The following GSE1 variants were observed in gnomAD, a reference collection of about 807,000 sequenced individuals.
GSE1 encodes genetic suppressor element 1.
A neutral mutation model predicts 112.6 loss-of-function variants in GSE1; 32 were observed. The ratio of observed to expected loss-of-function variants is 0.28; its 90% CI spans 0.21 to 0.38. The LOEUF is 0.38. Among genes scored for constraint, GSE1 ranks in the 10% least tolerant of loss-of-function variants. The pLI, the probability that GSE1 is intolerant of heterozygous loss-of-function variation, is 1.00. For missense variants in GSE1, 2,348 were observed against 1,699.2 expected, an observed-to-expected ratio of 1.38 and a Z score of -6.71; for synonymous variants, 1,115 against 735.6, an observed-to-expected ratio of 1.52 and a Z score of -8.35.
Position 85,315,264 on chromosome 16 carries a change from A to G in GSE1, c.2284-42199A>G, listed in dbSNP as rs1339716865. 2.0e-5 allele frequency among the ~76,000 whole-genome samples: 3 copies of G among 152,182 alleles called. No individual in the cohort carries two copies. The South Asian group carries it at 6.2e-4, about 32-fold the overall frequency. On this transcript the variant is annotated intron_variant, in intron 1 of 2. Transcript: ENST00000637419. ...GGCCACACAGCTCTGCCCCGTCTTCACAGGAGCATTTAGGGCCTGCTCTCC... is the reference window on the plus strand; with the variant it reads ...GGCCACACAGCTCTGCCCCGTCTTCGCAGGAGCATTTAGGGCCTGCTCTCC...
At chr16:85,538,980 C>A (rs879272813) in intron 2 of GSE1, among the ~76,000 whole-genome samples, 1 of 152,160 alleles carries the variant, frequency 6.6e-6, no homozygotes, top group African/African-American at 2.4e-5. Flanking sequence ...CTCTGCCATC[C>A]GGGCCACCAT....
chr16:85,621,811 A>G (rs2048760690), intron 1 of GSE1, among the ~76,000 whole-genome samples: 1 of 152,146 alleles, frequency 6.6e-6, no homozygotes. Context: ...TTGAAGAAGC[A>G]GGGGAGGGGA....
intron 1 of GSE1, among the ~76,000 whole-genome samples, chr16:85,200,431 G>C (rs1331726925): frequency 6.6e-6 from 1 of 151,204 alleles, no homozygotes; most frequent in Non-Finnish European, 1.5e-5. Flanking sequence ...AAAGAAGGAA[G>C]CTTTGCTTAG....
At chr16:85,180,042 C>G (rs1270975733) in intron 1 of GSE1, among the ~76,000 whole-genome samples, 1 of 152,242 alleles carries the variant, frequency 6.6e-6, no homozygotes, top group African/African-American at 2.4e-5. Context: ...CAGGGAAGAC[C>G]TGGGCGGTTG....
At chr16:85,434,342 A>ATCATCATCATC (rs60865079) in intron 2 of GSE1, among the ~76,000 whole-genome samples, 1,746 of 126,174 alleles carry the variant, frequency 0.014, 28 homozygotes, top group African/African-American at 0.046. Context: ...TAATAATAAT[A>ATCATCATCATC]ATAATCAGTG....
At chr16:85,217,938 G>T (rs963287476) in intron 1 of GSE1, among the ~76,000 whole-genome samples, 2 of 151,778 alleles carry the variant, frequency 1.3e-5, no homozygotes, top group African/African-American at 4.8e-5. Flanking sequence ...GTCTTGTTCT[G>T]TTACGACGCT....
intron 2 of GSE1, among the ~76,000 whole-genome samples, chr16:85,384,723 T>A (rs1287069184): frequency 6.6e-6 from 1 of 152,184 alleles, no homozygotes; most frequent in Non-Finnish European, 1.5e-5. Context: ...GGGACCTTGA[T>A]GAGCTCCAGC....
At chr16:85,440,664 C>T (rs76565455) in intron 2 of GSE1, among the ~76,000 whole-genome samples, 1,792 of 152,334 alleles carry the variant, frequency 0.012, 23 homozygotes, top group Middle Eastern at 0.02. Flanking sequence ...GGGTCTCATT[C>T]CCTGCAGCTT....
chr16:85,275,755 G>C (rs563360292), intron 1 of GSE1, among the ~76,000 whole-genome samples: 1 of 152,330 alleles, frequency 6.6e-6, no homozygotes, highest in East Asian at 1.9e-4. Context: ...GAAACCAAGC[G>C]AAGGGATGAA....
chr16:85,292,755 C>T (rs906663511), intron 1 of GSE1, among the ~76,000 whole-genome samples: 9 of 152,118 alleles, frequency 5.9e-5, no homozygotes, highest in Non-Finnish European at 1.3e-4. Context: ...CCACTGCGCC[C>T]GGCCAGAATG....
intron 1 of GSE1, among the ~76,000 whole-genome samples, chr16:85,214,243 G>GCC (rs1282182153): frequency 1.8e-4 from 27 of 152,010 alleles, no homozygotes; most frequent in African/African-American, 6.1e-4. Flanking sequence ...TGGGGTGAGG[G>GCC]CCCCCCCACC....
chr16:85,617,835 C>T (rs965122574), intron 1 of GSE1, among the ~76,000 whole-genome samples: 1 of 152,070 alleles, frequency 6.6e-6, no homozygotes, highest in Non-Finnish European at 1.5e-5. Flanking sequence ...ACCTGGGAAG[C>T]CAGAGACCGC....
chr16:85,556,334 G>A, exon 1 of GSE1: 1 of 984,936 alleles, frequency 1.0e-6, no homozygotes, highest in Non-Finnish European at 1.2e-6. Flanking sequence ...ACCATGTTTG[G>A]ATTGAAGCCG....
intron 2 of GSE1, among the ~76,000 whole-genome samples, chr16:85,381,108 C>G (rs1197420444): frequency 6.6e-6 from 1 of 152,316 alleles, no homozygotes; most frequent in East Asian, 1.9e-4. Flanking sequence ...GTTCCTCACT[C>G]CCCCACCTTC....
At chr16:85,485,538 C>G (rs1017693736) in intron 2 of GSE1, among the ~76,000 whole-genome samples, 2 of 152,262 alleles carry the variant, frequency 1.3e-5, no homozygotes, top group African/African-American at 4.8e-5. Flanking sequence ...GGGCATCATC[C>G]TTCATCCCGC....
chr16:85,232,910 C>G (rs1207398600), intron 1 of GSE1, among the ~76,000 whole-genome samples: 3 of 152,274 alleles, frequency 2.0e-5, no homozygotes, highest in African/African-American at 7.2e-5. Context: ...TAATGAATGG[C>G]TCCAGGTGTG....
Position 85,478,899 on chromosome 16 carries a change from CTTTCTTTCTTTCTTTCTTTCTT to C in GSE1, c.2464+121258_2464+121279del, listed in dbSNP as rs2050566016. The stretch of plus-strand genomic sequence containing the variant: ...TCTTTCTTTCTTTCTTTCTTTCTTT[CTTTCTTTCTTTCTTTCTTTCTT>C]TCTTTCTCTTTCTTTCTTTCTTTCT... On this transcript the variant is annotated intron_variant, in intron 2 of 2. Coordinates refer to the GSE1 transcript ENST00000637419. Among the ~76,000 whole-genome samples, 24 of 76,654 alleles carry C rather than the reference CTTTCTTTCTTTCTTTCTTTCTT, an allele frequency of 3.1e-4. 1 individual carries two copies. The highest frequency in any genetic ancestry group is 1.6e-3 in the African/African-American group (24 of 15,414). The allele number at this position is 76,654 out of a possible 152,430, so 50.3% of individuals were successfully genotyped here.
At chr16:85,388,433 T>C (rs562567320) in intron 2 of GSE1, among the ~76,000 whole-genome samples, 1 of 128,262 alleles carries the variant, frequency 7.8e-6, no homozygotes, top group African/African-American at 3.1e-5. Context: ...GGTGGATGGA[T>C]GGATGAACAG....
intron 2 of GSE1, among the ~76,000 whole-genome samples, chr16:85,455,681 G>T (rs957719599): frequency 3.3e-5 from 5 of 152,250 alleles, no homozygotes; most frequent in Non-Finnish European, 7.3e-5. Flanking sequence ...CGCGCTGCAA[G>T]CTGCCTCCCC....
Sources: gnomAD v4.1 joint callset for allele counts (sites outside exome capture counted in the v4.1 genomes callset) on GRCh38, gnomAD v4.1.1 for gene constraint, MANE v1.5 for transcripts, NCBI Gene and HGNC (gene_info 2026-07-23, HGNC 2026-07-21) for gene names.